Variants in PDE7B observed in about 807,000 individuals in gnomAD.
PDE7B encodes phosphodiesterase 7B, also known as 3',5'-cyclic-AMP phosphodiesterase 7B.
Under a neutral mutation model 56.2 loss-of-function variants are expected in PDE7B, and 29 were observed. The ratio of observed to expected loss-of-function variants is 0.52; its 90% CI spans 0.38 to 0.70. PDE7B has a LOEUF of 0.70. Among genes scored for constraint, PDE7B ranks in the 30% least tolerant of loss-of-function variants. PDE7B has a pLI of 0.00. For missense variants in PDE7B, 490 were observed against 565.0 expected (o/e 0.87, Z 1.35); for synonymous variants, 197 against 196.9 (o/e 1.00, Z 0.00).
chr6:136,026,342 G>A (rs1463616014), intron 2 of PDE7B, among the ~76,000 whole-genome samples: 1 of 152,124 alleles, frequency 6.6e-6, no homozygotes, highest in African/African-American at 2.4e-5. Flanking sequence ...TTTGATAAAG[G>A]TTGTGGCAAA....
At chr6:136,003,680 T>C (rs1424672139) in intron 2 of PDE7B, among the ~76,000 whole-genome samples, 1 of 152,134 alleles carries the variant, frequency 6.6e-6, no homozygotes, top group African/African-American at 2.4e-5. Context: ...AATAGACCAA[T>C]AACAGGCTCT....
intron 2 of PDE7B, among the ~76,000 whole-genome samples, chr6:136,092,960 A>C (rs533026156): frequency 1.8e-4 from 27 of 152,304 alleles, no homozygotes; most frequent in Middle Eastern, 6.8e-3. Flanking sequence ...CACACACACA[A>C]GATTTCTATG....
intron 1 of PDE7B, among the ~76,000 whole-genome samples, chr6:135,928,607 T>C (rs1247123513): frequency 6.8e-6 from 1 of 147,990 alleles, no homozygotes; most frequent in Non-Finnish European, 1.5e-5. Flanking sequence ...ATATACACCA[T>C]GGAATACTAC....
intron 3 of PDE7B, among the ~76,000 whole-genome samples, chr6:136,135,347 T>C (rs1778193838): frequency 6.6e-6 from 1 of 152,120 alleles, no homozygotes; most frequent in Non-Finnish European, 1.5e-5. Flanking sequence ...TGTTTTGTTG[T>C]ATGTGTTTTT....
intron 9 of PDE7B, among the ~76,000 whole-genome samples, chr6:136,177,450 A>T (rs934230532): frequency 1.3e-4 from 20 of 152,332 alleles, no homozygotes; most frequent in African/African-American, 4.6e-4. Context: ...AGAACCTCAG[A>T]AACAATAAGA....
At chr6:135,875,057 G>A (rs1000349795) in intron 1 of PDE7B, among the ~76,000 whole-genome samples, 4 of 150,948 alleles carry the variant, frequency 2.6e-5, no homozygotes, top group Non-Finnish European at 5.9e-5. Context: ...TTCTCTTTTG[G>A]TTACAGTTTT....
At chr6:135,976,951 C>T (rs933968716) in intron 2 of PDE7B, among the ~76,000 whole-genome samples, 3 of 152,120 alleles carry the variant, frequency 2.0e-5, no homozygotes, top group African/African-American at 4.8e-5. Flanking sequence ...AGTGTAGGAC[C>T]TCTATACATC....
At chr6:135,867,370 T>G (rs1583717433) in intron 1 of PDE7B, among the ~76,000 whole-genome samples, 1 of 152,214 alleles carries the variant, frequency 6.6e-6, no homozygotes, top group South Asian at 2.1e-4. Context: ...TGTTACTAAA[T>G]GTATGCTAAA....
intron 1 of PDE7B, among the ~76,000 whole-genome samples, chr6:135,907,312 A>G (rs547055143): frequency 6.6e-6 from 1 of 152,244 alleles, no homozygotes; most frequent in South Asian, 2.1e-4. Flanking sequence ...TAGCAGCCCT[A>G]AACTCTGACC....
intron 2 of PDE7B, among the ~76,000 whole-genome samples, chr6:136,074,672 T>C (rs910111245): frequency 1.2e-4 from 18 of 152,248 alleles, no homozygotes; most frequent in Non-Finnish European, 2.5e-4. Flanking sequence ...GGTGAGAATA[T>C]ATAAAGTTGA....
At chr6:136,056,927 C>T (rs947697033) in intron 2 of PDE7B, among the ~76,000 whole-genome samples, 2 of 152,156 alleles carry the variant, frequency 1.3e-5, no homozygotes, top group African/African-American at 4.8e-5. Context: ...AGCCCCTCCC[C>T]TTTGGCCCTA....
intron 2 of PDE7B, among the ~76,000 whole-genome samples, chr6:135,987,289 C>T (rs981154664): frequency 6.6e-6 from 1 of 152,090 alleles, no homozygotes; most frequent in Admixed American, 6.5e-5. Flanking sequence ...TCTGGGTTGA[C>T]AGCAAGAATA....
At position 136,194,341 on chromosome 6, in the gene PDE7B, T is replaced by G. The variant is rs1386301016; in HGVS notation, c.*2501T>G. 1 of 152,094 alleles carries G rather than the reference T, an allele frequency of 6.6e-6. No homozygotes were observed. The highest frequency in any genetic ancestry group is 1.5e-5 in the Non-Finnish European group (1 of 68,032). The allele number at this position is 152,094 out of a possible 1,614,324, so 9.4% of individuals were successfully genotyped here. On this transcript the variant is annotated 3_prime_UTR_variant, in exon 13 of 13. Transcript: ENST00000308191. ...GTAGTTCTGAGTTGATAGTTTACAT[T>G]ACAATTAGGTCTTGAAGAAGAGCTC...
In PDE7B at chr6:136,108,166, T is replaced by C. The variant is rs537253309; in HGVS notation, c.83-565T>C. 2.7e-3 allele frequency among the ~76,000 whole-genome samples: 387 copies of C among 145,494 alleles called. 1 individual carries two copies. Among genetic ancestry groups the C allele is most frequent in the African/African-American group, 9.4e-3 (372 of 39,380 alleles). On this transcript the variant is annotated intron_variant, in intron 2 of 12. Coordinates refer to ENST00000308191, the MANE Select transcript of PDE7B (RefSeq NM_018945.4). ...AAAGAAAGAAATATATATATACATA[T>C]AAAGGGAACCTACAAATAAATAAGT...
At chr6:136,158,140 T>G (rs1778641399) in intron 8 of PDE7B, among the ~76,000 whole-genome samples, 1 of 152,178 alleles carries the variant, frequency 6.6e-6, no homozygotes, top group African/African-American at 2.4e-5. Context: ...ACATGGTATT[T>G]AAAAATCTTT....
intron 9 of PDE7B, among the ~76,000 whole-genome samples, chr6:136,174,266 T>G (rs1026646006): frequency 6.6e-6 from 1 of 152,204 alleles, no homozygotes; most frequent in African/African-American, 2.4e-5. Context: ...ACCCAGGCAT[T>G]CTAAAGCTAG....
At chr6:136,136,720 A>G (rs1778217110) in intron 3 of PDE7B, among the ~76,000 whole-genome samples, 1 of 151,948 alleles carries the variant, frequency 6.6e-6, no homozygotes, top group African/African-American at 2.4e-5. Context: ...AAAATTAAAA[A>G]TAAAACAATT....
Position 136,194,708 on chromosome 6 carries a change from T to C in PDE7B, c.*2868T>C, listed in dbSNP as rs557416663. On this transcript the variant is annotated 3_prime_UTR_variant, in exon 13 of 13. Transcript: ENST00000308191. ...GAGATCGAGACCATTCTGGCCAACA[T>C]GGTGAAACCCCGTCTCTACTAAAAA... 3 of 152,338 alleles carry C rather than the reference T, an allele frequency of 2.0e-5. No homozygotes were observed. The highest frequency in any genetic ancestry group is 4.2e-4 in the South Asian group (2 of 4,818). 9.4% of individuals were successfully genotyped at this position (152,338 alleles called of 1,614,324 possible). A position where few individuals can be genotyped will look rare whatever the true frequency, so the allele number is the denominator to read the frequency against.
chr6:136,155,956 C>A (rs1472975168), intron 8 of PDE7B, 198 bp downstream of exon 8: 12 of 703,392 alleles, frequency 1.7e-5, no homozygotes, highest in South Asian at 1.5e-4. Flanking sequence ...CAAACTTAAT[C>A]CCAGTTTGAA....
Sources: allele counts gnomAD v4.1 joint callset (sites outside exome capture counted in the v4.1 genomes callset), GRCh38; gene constraint gnomAD v4.1.1; transcripts MANE v1.5; gene names NCBI Gene and HGNC (gene_info 2026-07-23, HGNC 2026-07-21).